PCDH9: variants seen among roughly 807,000 people sequenced by gnomAD.
PCDH9 encodes the protein protocadherin 9.
A neutral mutation model predicts 70.6 loss-of-function variants in PCDH9; 24 were observed. That is an observed-to-expected ratio of 0.34 (90% CI 0.25 to 0.48). The LOEUF (loss-of-function observed/expected upper bound fraction) is 0.48. Among genes scored for constraint, PCDH9 ranks in the 20% least tolerant of loss-of-function variants. The pLI is 0.99. For synonymous variants in PCDH9, 562 were observed against 558.5 expected (o/e 1.01, Z -0.09); for missense variants, 1,281 against 1,503.6 (o/e 0.85, Z 2.45).
chr13:66,893,858 A>G (rs1040648756), intron 3 of PCDH9, among the ~76,000 whole-genome samples: 2 of 152,032 alleles, frequency 1.3e-5, no homozygotes, highest in Non-Finnish European at 2.9e-5. Context: ...AACCTATTCT[A>G]TTCTACTCTC....
intron 3 of PCDH9, among the ~76,000 whole-genome samples, chr13:66,670,159 A>T (rs1391890935): frequency 6.6e-6 from 1 of 152,164 alleles, no homozygotes; most frequent in East Asian, 1.9e-4. Flanking sequence ...ATTATATCAC[A>T]TTATGAGCAT....
At chr13:67,045,536 C>T (rs549419411) in intron 2 of PCDH9, among the ~76,000 whole-genome samples, 135 of 151,794 alleles carry the variant, frequency 8.9e-4, no homozygotes, top group African/African-American at 3.2e-3. Flanking sequence ...AGTGGTATTA[C>T]CCAGAAACAA....
intron 3 of PCDH9, among the ~76,000 whole-genome samples, chr13:66,800,287 T>C (rs534014760): frequency 6.6e-6 from 1 of 152,214 alleles, no homozygotes; most frequent in South Asian, 2.1e-4. Context: ...TCTCATGTTG[T>C]TGAAAGAATC....
At chr13:66,464,219 A>T (rs968686767) in intron 4 of PCDH9, among the ~76,000 whole-genome samples, 1 of 151,800 alleles carries the variant, frequency 6.6e-6, no homozygotes, top group Non-Finnish European at 1.5e-5. Context: ...AAGTAAAGTG[A>T]ATGATTAAAA....
chr13:67,063,121 G>A (rs1033715627), intron 2 of PCDH9, among the ~76,000 whole-genome samples: 12 of 152,132 alleles, frequency 7.9e-5, no homozygotes, highest in Non-Finnish European at 1.8e-4. Flanking sequence ...TCAGGTCAGC[G>A]GGTGGCTCTA....
chr13:66,799,697 T>C (rs1180745849), intron 3 of PCDH9, among the ~76,000 whole-genome samples: 1 of 152,212 alleles, frequency 6.6e-6, no homozygotes, highest in Non-Finnish European at 1.5e-5. Flanking sequence ...TAAGGAACAA[T>C]CAGTAATTTT....
intron 4 of PCDH9, among the ~76,000 whole-genome samples, chr13:66,450,476 AAAG>A (rs1393694337): frequency 6.6e-6 from 1 of 152,190 alleles, no homozygotes; most frequent in East Asian, 1.9e-4. Context: ...AGAGACTTTG[AAAG>A]AAGATTAAGC....
At chr13:67,052,730 A>G (rs1441947545) in intron 2 of PCDH9, among the ~76,000 whole-genome samples, 1 of 152,162 alleles carries the variant, frequency 6.6e-6, no homozygotes, top group African/African-American at 2.4e-5. Flanking sequence ...ATATAAGTAT[A>G]TAAATTCATG....
At chr13:66,590,504 C>CT (rs1467109461) in intron 4 of PCDH9, among the ~76,000 whole-genome samples, 1 of 151,816 alleles carries the variant, frequency 6.6e-6, no homozygotes, top group African/African-American at 2.4e-5. Flanking sequence ...AAAATAATAA[C>CT]TTTCTGGGAC....
intron 4 of PCDH9, among the ~76,000 whole-genome samples, chr13:66,346,933 T>C (rs1266293972): frequency 6.6e-6 from 1 of 152,194 alleles, no homozygotes; most frequent in East Asian, 1.9e-4. Context: ...AAGCCAACCA[T>C]AGTGGAAATA....
chr13:67,081,461 G>A (rs1351318045), intron 2 of PCDH9, among the ~76,000 whole-genome samples: 6 of 152,016 alleles, frequency 3.9e-5, no homozygotes, highest in South Asian at 2.1e-4. Flanking sequence ...CCAGCTACTC[G>A]GGAGGCTGAG....
chr13:66,608,390 T>C (rs2077248513), intron 4 of PCDH9, among the ~76,000 whole-genome samples: 1 of 152,150 alleles, frequency 6.6e-6, no homozygotes, highest in South Asian at 2.1e-4. Context: ...AAGTTTCACA[T>C]ACTTATGTTC....
chr13:66,807,495 TTG>T (rs1334043935), intron 3 of PCDH9, among the ~76,000 whole-genome samples: 1 of 152,206 alleles, frequency 6.6e-6, no homozygotes, highest in African/African-American at 2.4e-5. Flanking sequence ...TAGCCCATTT[TTG>T]TTCTTCAAAA....
intron 3 of PCDH9, among the ~76,000 whole-genome samples, chr13:66,845,114 A>G (rs1485044915): frequency 1.3e-5 from 2 of 152,118 alleles, no homozygotes; most frequent in Non-Finnish European, 2.9e-5. Context: ...CCAGCCTTCA[A>G]GCCGCCCTGG....
In PCDH9 at chr13:66,326,791, C is replaced by A. The variant is rs80048909; in HGVS notation, c.3341-21763G>T. 3.3e-5 allele frequency among the ~76,000 whole-genome samples: 5 copies of A among 151,892 alleles called. No individual in the cohort carries two copies. The East Asian group carries it at 9.7e-4, about 29-fold the overall frequency. On this transcript the variant is annotated intron_variant, in intron 4 of 4. Transcript: ENST00000377865. ...GCCAAAGACATCTTGAAATTTTATC[C>A]AATTTTTAAGCTTTTTACATAAAAA...
chr13:66,449,843 TAG>T (rs1027574594), intron 4 of PCDH9, among the ~76,000 whole-genome samples: 1 of 152,154 alleles, frequency 6.6e-6, no homozygotes, highest in African/African-American at 2.4e-5. Flanking sequence ...AATTCTATTC[TAG>T]AGTTAGAAAA....
At chr13:66,601,950 C>T (rs2077170386) in intron 4 of PCDH9, among the ~76,000 whole-genome samples, 1 of 145,760 alleles carries the variant, frequency 6.9e-6, no homozygotes, top group Non-Finnish European at 1.5e-5. Context: ...GGCTATGTTA[C>T]AGCTTTATGT....
intron 2 of PCDH9, among the ~76,000 whole-genome samples, chr13:67,021,506 G>C (rs567417063): frequency 7.1e-4 from 108 of 152,152 alleles, no homozygotes; most frequent in African/African-American, 2.5e-3. Context: ...TATACTTCTG[G>C]GTTTAAAAGT....
intron 2 of PCDH9, among the ~76,000 whole-genome samples, chr13:67,145,109 C>G (rs2087489307): frequency 6.6e-6 from 1 of 151,968 alleles, no homozygotes; most frequent in Non-Finnish European, 1.5e-5. Flanking sequence ...CTTTTTCTTC[C>G]TAACTGGTTT....
Sources: gnomAD v4.1 joint callset for allele counts (sites outside exome capture counted in the v4.1 genomes callset) on GRCh38, gnomAD v4.1.1 for gene constraint, MANE v1.5 for transcripts, NCBI Gene and HGNC (gene_info 2026-07-23, HGNC 2026-07-21) for gene names.